The following PABPC4L variants were observed in gnomAD, a reference collection of about 807,000 sequenced individuals.
PABPC4L encodes polyadenylate-binding protein 4-like.
For missense variants in PABPC4L, 452 were observed against 451.4 expected (o/e 1.00, Z -0.01); for synonymous variants, 169 against 164.1 (o/e 1.03, Z -0.23).
the PABPC4L span, among the ~76,000 whole-genome samples, chr4:134,055,920 T>G: frequency 1.3e-5 from 2 of 152,042 alleles, no homozygotes; most frequent in Non-Finnish European, 2.9e-5. Flanking sequence ...GACTTTTGTA[T>G]GTTGTTTTAA....
chr4:133,983,410 C>T, the PABPC4L span, among the ~76,000 whole-genome samples: 1 of 151,788 alleles, frequency 6.6e-6, no homozygotes, highest in African/African-American at 2.4e-5. Flanking sequence ...GATAGTCATC[C>T]AGCTCTCAGA....
chr4:134,049,401 T>G, the PABPC4L span, among the ~76,000 whole-genome samples: 1 of 152,276 alleles, frequency 6.6e-6, no homozygotes, highest in South Asian at 2.1e-4. Context: ...TTTTTTATTC[T>G]TATAAAGCAT....
At chr4:134,016,569 G>T in the PABPC4L span, among the ~76,000 whole-genome samples, 2 of 152,144 alleles carry the variant, frequency 1.3e-5, no homozygotes, top group Non-Finnish European at 2.9e-5. Context: ...CACTCCCACT[G>T]ATCCTTCACA....
At chr4:134,032,482 TTTC>T in the PABPC4L span, among the ~76,000 whole-genome samples, 1 of 151,834 alleles carries the variant, frequency 6.6e-6, no homozygotes, top group Non-Finnish European at 1.5e-5. Flanking sequence ...ACCAATTACT[TTTC>T]TTGTTGTCTG....
chr4:134,022,076 T>C, the PABPC4L span, among the ~76,000 whole-genome samples: 1 of 152,194 alleles, frequency 6.6e-6, no homozygotes, highest in African/African-American at 2.4e-5. Flanking sequence ...TTTCCAAGTC[T>C]AGAAAAAAAC....
the PABPC4L span, among the ~76,000 whole-genome samples, chr4:134,189,127 T>C: frequency 6.6e-6 from 1 of 152,152 alleles, no homozygotes; most frequent in Non-Finnish European, 1.5e-5. Flanking sequence ...TTTCGATCTC[T>C]TGAATTTCTT....
the PABPC4L span, among the ~76,000 whole-genome samples, chr4:134,059,632 G>T: frequency 6.6e-6 from 1 of 150,828 alleles, no homozygotes; most frequent in Admixed American, 6.6e-5. Flanking sequence ...ATCAGAAATA[G>T]AACTATAGAA....
At chr4:134,050,484 C>A in the PABPC4L span, among the ~76,000 whole-genome samples, 7 of 151,980 alleles carry the variant, frequency 4.6e-5, no homozygotes, top group African/African-American at 1.7e-4. Context: ...GTGGGTGGAT[C>A]ACCTGAGGTG....
chr4:134,200,087 GTTTCGTAGTT>G lies in PABPC4L; in HGVS notation c.923_932del (p.Lys308ThrfsTer14). On this transcript the variant is annotated frameshift_variant, in exon 2 of 2. Coordinates refer to ENST00000421491, the MANE Select transcript of PABPC4L (RefSeq NM_001114734.2). LOFTEE classifies it low-confidence loss of function (END_TRUNC). ...TAATTGATCCAAATGAAGAAAATTC[GTTTCGTAGTT>G]TTTCATCATCGATGGTGTCATCAAG... is the stretch of plus-strand genomic sequence containing the variant. 1 of 1,551,582 alleles carries G rather than the reference GTTTCGTAGTT, an allele frequency of 6.4e-7. No individual in the cohort carries two copies. The highest frequency in any genetic ancestry group is 8.7e-7 in the Non-Finnish European group (1 of 1,146,944).
the PABPC4L span, among the ~76,000 whole-genome samples, chr4:133,968,142 T>G: frequency 2.0e-5 from 3 of 152,188 alleles, no homozygotes; most frequent in Non-Finnish European, 2.9e-5. Context: ...GATCAACCCA[T>G]ACAAGACTAA....
the PABPC4L span, among the ~76,000 whole-genome samples, chr4:134,132,909 A>T: frequency 5.5e-5 from 8 of 146,258 alleles, no homozygotes; most frequent in African/African-American, 1.7e-4. Context: ...TATATTATAT[A>T]TTGCATATTA....
chr4:134,066,075 C>A, the PABPC4L span, among the ~76,000 whole-genome samples: 11 of 152,042 alleles, frequency 7.2e-5, no homozygotes, highest in East Asian at 1.9e-3. Flanking sequence ...CTAGGCTTGC[C>A]TTTGGTATTA....
chr4:134,066,637 T>C, the PABPC4L span, among the ~76,000 whole-genome samples: 1 of 152,242 alleles, frequency 6.6e-6, no homozygotes, highest in Non-Finnish European at 1.5e-5. Context: ...GGGGAATGCT[T>C]CCAGCTTTTG....
chr4:134,148,900 G>C, the PABPC4L span, among the ~76,000 whole-genome samples: 1 of 151,900 alleles, frequency 6.6e-6, no homozygotes, highest in East Asian at 1.9e-4. Flanking sequence ...TTGGGTAAAA[G>C]TGTCCCTCCC....
the PABPC4L span, among the ~76,000 whole-genome samples, chr4:133,999,803 A>G: frequency 9.9e-5 from 15 of 152,088 alleles, 1 homozygote; most frequent in South Asian, 3.1e-3. Context: ...TCCTTTGTTG[A>G]GGGAAATTAG....
the PABPC4L span, among the ~76,000 whole-genome samples, chr4:134,049,209 T>G: frequency 3.3e-5 from 5 of 152,054 alleles, no homozygotes; most frequent in Non-Finnish European, 2.9e-5. Flanking sequence ...TGTCATCAAA[T>G]TTATACTGAA....
chr4:134,112,673 G>T, the PABPC4L span, among the ~76,000 whole-genome samples: 1 of 151,312 alleles, frequency 6.6e-6, no homozygotes. Flanking sequence ...GCACACTAAT[G>T]TATATATAAT....
chr4:134,173,613 T>G, the PABPC4L span, among the ~76,000 whole-genome samples: 1 of 151,974 alleles, frequency 6.6e-6, no homozygotes, highest in Non-Finnish European at 1.5e-5. Context: ...AAAAATACAG[T>G]TAGATAGAAG....
At position 134,199,833 on chromosome 4, in the gene PABPC4L, G is replaced by T. The variant is rs536210350; in HGVS notation, c.*74C>A. The T allele has an allele frequency of 2.7e-6, 4 of 1,492,730 alleles. No homozygotes were observed. In the South Asian group the frequency reaches 5.2e-5, roughly 19 times the overall value. 92.5% of individuals were successfully genotyped at this position (1,492,730 alleles called of 1,614,324 possible). On this transcript the variant is annotated 3_prime_UTR_variant, in exon 2 of 2. Coordinates refer to ENST00000421491, the MANE Select transcript of PABPC4L (RefSeq NM_001114734.2). ...CATGTGGAATATGAAATTTACTGAG[G>T]TCAATTCAGGCAGAGATCACTATCA...
Sources: allele counts gnomAD v4.1 joint callset (sites outside exome capture counted in the v4.1 genomes callset), GRCh38; gene constraint gnomAD v4.1.1; transcripts MANE v1.5; gene names NCBI Gene and HGNC (gene_info 2026-07-23, HGNC 2026-07-21).